Variants in NCAPH observed in about 807,000 individuals in gnomAD.
NCAPH encodes the protein condensin complex subunit 2.
In NCAPH, 38 loss-of-function variants were observed where a neutral mutation model predicts 85.5. That is an observed-to-expected ratio of 0.44 (90% CI 0.34 to 0.58). NCAPH has a LOEUF of 0.58. NCAPH is among the 20% of genes least tolerant of loss of function. NCAPH has a pLI of 0.01. For missense variants in NCAPH, 789 were observed against 916.6 expected (o/e 0.86, Z 1.80); for synonymous variants, 301 against 335.1 (o/e 0.90, Z 1.11).
chr2:96,350,018 G>A (rs999676796), intron 6 of NCAPH, among the ~76,000 whole-genome samples: 3 of 152,246 alleles, frequency 2.0e-5, no homozygotes. Context: ...AAAAGCAAAA[G>A]CCATAGCACA....
chr2:96,351,760 A>C (rs2064446305), intron 6 of NCAPH, 71 bp from the exon 7 acceptor site: 1 of 1,375,306 alleles, frequency 7.3e-7, no homozygotes, highest in Admixed American at 2.3e-5. Flanking sequence ...AGTGGGGCCA[A>C]ATGCATGAGA....
chr2:96,365,201 G>C (rs1315620482), intron 13 of NCAPH, among the ~76,000 whole-genome samples: 6 of 152,122 alleles, frequency 3.9e-5, no homozygotes, highest in African/African-American at 1.4e-4. Context: ...GGCTTCATCT[G>C]TGTCCCTGTA....
intron 1 of NCAPH, among the ~76,000 whole-genome samples, chr2:96,340,947 T>C (rs7562544): frequency 0.26 from 39,244 of 152,104 alleles, 6,090 homozygotes; most frequent in South Asian, 0.66. Context: ...TAAAGTTCTT[T>C]GGTTAAATTT....
intron 1 of NCAPH, among the ~76,000 whole-genome samples, chr2:96,337,402 T>A (rs972189737): frequency 2.6e-5 from 4 of 152,168 alleles, no homozygotes; most frequent in Admixed American, 2.6e-4. Context: ...TCCCTTCCTA[T>A]TTTTACTTTG....
chr2:96,356,859 A>C (rs1324473507), intron 9 of NCAPH, among the ~76,000 whole-genome samples: 1 of 151,030 alleles, frequency 6.6e-6, no homozygotes, highest in Non-Finnish European at 1.5e-5. Context: ...TAGATGCCTC[A>C]CGTTATTGGT....
At chr2:96,362,005 A>C (rs1156260115) in intron 12 of NCAPH, among the ~76,000 whole-genome samples, 1 of 151,212 alleles carries the variant, frequency 6.6e-6, no homozygotes, top group Non-Finnish European at 1.5e-5. Context: ...CAGCCTCCCA[A>C]AGTACAGGGA....
chr2:96,347,277 T>TG (rs1256541575), intron 6 of NCAPH, among the ~76,000 whole-genome samples: 1 of 123,922 alleles, frequency 8.1e-6, no homozygotes, highest in Admixed American at 8.6e-5. Flanking sequence ...CCCCTCAGCC[T>TG]GTTTTTTTTT....
chr2:96,354,491 T>A (rs545130303), intron 9 of NCAPH, 103 bp downstream of exon 9: 2 of 997,140 alleles, frequency 2.0e-6, no homozygotes, highest in East Asian at 3.1e-5. Flanking sequence ...TCTTTTTTTT[T>A]CCCCCCCCAA....
chr2:96,367,923 T>C (rs1267251874), intron 15 of NCAPH, among the ~76,000 whole-genome samples: 1 of 152,252 alleles, frequency 6.6e-6, no homozygotes, highest in African/African-American at 2.4e-5. Flanking sequence ...TTTAAGTTGC[T>C]CTATGCTATG....
At chr2:96,359,850 T>C (rs1235234495) in intron 10 of NCAPH, among the ~76,000 whole-genome samples, 4 of 152,240 alleles carry the variant, frequency 2.6e-5, no homozygotes, top group African/African-American at 9.6e-5. Flanking sequence ...TCTCGACTCC[T>C]GGCCTCAAGT....
At chr2:96,355,517 T>C (rs968730500) in intron 9 of NCAPH, among the ~76,000 whole-genome samples, 1 of 152,172 alleles carries the variant, frequency 6.6e-6, no homozygotes, top group African/African-American at 2.4e-5. Flanking sequence ...TAATGTCTTT[T>C]AAAGACATTA....
chr2:96,337,338 A>G (rs2064226655), intron 1 of NCAPH, among the ~76,000 whole-genome samples: 1 of 152,186 alleles, frequency 6.6e-6, no homozygotes, highest in Non-Finnish European at 1.5e-5. Context: ...TCACATCCAA[A>G]TACTGTCCTC....
In NCAPH at chr2:96,360,137, C is replaced by T; in HGVS notation, c.1358-6C>T. The T allele has an allele frequency of 1.3e-6, 2 of 1,520,032 alleles. No homozygotes were observed. The highest frequency in any genetic ancestry group is 1.8e-6 in the Non-Finnish European group (2 of 1,098,170). 94.2% of individuals were successfully genotyped at this position (1,520,032 alleles called of 1,614,324 possible). A position where few individuals can be genotyped will look rare whatever the true frequency, so the allele number is the denominator to read the frequency against. On this transcript the variant is annotated splice_polypyrimidine_tract_variant and splice_region_variant and intron_variant, in intron 10 of 17. Coordinates refer to ENST00000240423, the MANE Select transcript of NCAPH (RefSeq NM_015341.5). ...TGAAGTGCTGACGTCTGTGTTCACT[C>T]TGCAGAAGATGCTCCTTCCCAATCA...
At chr2:96,351,724 C>T in intron 6 of NCAPH, 107 bp from the exon 7 acceptor site, 1 of 732,582 alleles carries the variant, frequency 1.4e-6, no homozygotes, top group African/African-American at 1.8e-5. Flanking sequence ...GGAGATATTT[C>T]AGTCCAGTGT....
chr2:96,348,870 G>A (rs1489804045), intron 6 of NCAPH, among the ~76,000 whole-genome samples: 1 of 151,588 alleles, frequency 6.6e-6, no homozygotes, highest in African/African-American at 2.4e-5. Context: ...GGCTAGTCTC[G>A]AACTCCTGAT....
At chr2:96,365,690 C>T (rs914493902) in intron 13 of NCAPH, among the ~76,000 whole-genome samples, 186 bp from the exon 14 acceptor site, 1 of 152,122 alleles carries the variant, frequency 6.6e-6, no homozygotes, top group African/African-American at 2.4e-5. Flanking sequence ...TAACAGACAC[C>T]TCTCTAATAG....
At chr2:96,373,210 C>T in intron 17 of NCAPH, 82 bp from the exon 18 acceptor site, 8 of 1,209,390 alleles carry the variant, frequency 6.6e-6, no homozygotes, top group Non-Finnish European at 9.7e-6. Flanking sequence ...TTTGTAGTCA[C>T]TACCTTGTGA....
chr2:96,353,263 AC>A (rs2064471326), intron 7 of NCAPH, 42 bp from the exon 8 acceptor site: 1 of 1,527,386 alleles, frequency 6.5e-7, no homozygotes, highest in Non-Finnish European at 9.1e-7. Context: ...AATGCACTTG[AC>A]CCCCTTCTAA....
At position 96,374,962 on chromosome 2, in the gene NCAPH, G is replaced by A. The variant is rs999385459; in HGVS notation, c.*1611G>A. ...GTGGCCCACACCTGTAAATCCTAGCGCTTTGAAAGGAAGAGGCAGGAGGAT... is the reference window on the plus strand; with the variant it reads ...GTGGCCCACACCTGTAAATCCTAGCACTTTGAAAGGAAGAGGCAGGAGGAT... On this transcript the variant is annotated 3_prime_UTR_variant, in exon 18 of 18. Coordinates refer to ENST00000240423, the MANE Select transcript of NCAPH (RefSeq NM_015341.5). Among the ~76,000 whole-genome samples, 1 of 152,028 alleles carries A rather than the reference G, an allele frequency of 6.6e-6. No individual in the cohort carries two copies. The highest frequency in any genetic ancestry group is 1.5e-5 in the Non-Finnish European group (1 of 68,022).
Sources: gnomAD v4.1 joint callset for allele counts (sites outside exome capture counted in the v4.1 genomes callset) on GRCh38, gnomAD v4.1.1 for gene constraint, MANE v1.5 for transcripts, NCBI Gene and HGNC (gene_info 2026-07-23, HGNC 2026-07-21) for gene names.